The following TIAL1 variants were observed in gnomAD, a reference collection of about 807,000 sequenced individuals.
The protein encoded by TIAL1 is TIA1 cytotoxic granule associated RNA binding protein like 1, also known as nucleolysin TIAR.
TIAL1 carries 7 observed loss-of-function variants against 59.7 expected under a neutral mutation model. The ratio of observed to expected loss-of-function variants is 0.12; its 90% CI spans 0.07 to 0.22. The LOEUF (loss-of-function observed/expected upper bound fraction) is 0.22, where lower values mean the gene tolerates loss of function less well. Ranked by LOEUF, TIAL1 falls within the 10% of genes least tolerant of loss-of-function variation. The probability of loss-of-function intolerance (pLI) is 1.00; values close to 1 mark genes in which losing one functional copy is unlikely to be tolerated. For missense variants in TIAL1, 225 were observed against 462.5 expected (o/e 0.49, Z 4.71); for synonymous variants, 149 against 146.3 (o/e 1.02, Z -0.13).
intron 6 of TIAL1, among the ~76,000 whole-genome samples, chr10:119,579,246 C>T (rs1022399119): frequency 3.9e-5 from 6 of 152,068 alleles, no homozygotes; most frequent in Admixed American, 3.9e-4. Context: ...GCTGAGGCAG[C>T]GCGATCGCTT....
chr10:119,578,102 G>GT (rs1459913827), intron 7 of TIAL1, among the ~76,000 whole-genome samples: 1 of 151,910 alleles, frequency 6.6e-6, no homozygotes, highest in East Asian at 1.9e-4. Context: ...GCACACGCCT[G>GT]TAATTCCAGC....
chr10:119,583,566 A>G (rs540258486), intron 2 of TIAL1, among the ~76,000 whole-genome samples: 68 of 152,352 alleles, frequency 4.5e-4, no homozygotes, highest in African/African-American at 1.6e-3. Flanking sequence ...TCAATGTAAA[A>G]TGCCCTATAA....
At chr10:119,579,010 AT>A in intron 6 of TIAL1, 176 bp from the exon 7 acceptor site, 1 of 599,062 alleles carries the variant, frequency 1.7e-6, no homozygotes, top group East Asian at 2.8e-5. Flanking sequence ...TGAACTTGAG[AT>A]TCAATCTAAG....
intron 2 of TIAL1, among the ~76,000 whole-genome samples, chr10:119,584,125 A>G (rs1284518866): frequency 6.6e-6 from 1 of 152,158 alleles, no homozygotes; most frequent in African/African-American, 2.4e-5. Context: ...GTGAATACCA[A>G]TTTCAAATCT....
Position 119,575,615 on chromosome 10 carries a change from C to A in TIAL1, c.*50G>T, listed in dbSNP as rs750202071. 1 of 1,606,450 alleles carries A rather than the reference C, an allele frequency of 6.2e-7. No homozygotes were observed. Among genetic ancestry groups the A allele is most frequent in the Non-Finnish European group, 8.5e-7 (1 of 1,174,108 alleles). ...CTACTTTCATGTCTTCAGAGTGTCA[C>A]AGGAAATCGAAGCCTATCATGAATT... On this transcript the variant is annotated 3_prime_UTR_variant, in exon 12 of 12. Coordinates refer to ENST00000436547, the MANE Select transcript of TIAL1 (RefSeq NM_003252.4).
intron 2 of TIAL1, among the ~76,000 whole-genome samples, chr10:119,585,686 T>C (rs1191360303): frequency 1.3e-5 from 2 of 152,162 alleles, no homozygotes; most frequent in African/African-American, 2.4e-5. Context: ...CAAATGTTTC[T>C]CAAAAATTTT....
intron 2 of TIAL1, among the ~76,000 whole-genome samples, chr10:119,585,774 C>A: frequency 6.6e-6 from 1 of 152,160 alleles, no homozygotes; most frequent in East Asian, 1.9e-4. Context: ...CTAACCATGC[C>A]ACTGAAACTG....
At chr10:119,586,410 C>T (rs1160559234) in intron 2 of TIAL1, among the ~76,000 whole-genome samples, 1 of 152,222 alleles carries the variant, frequency 6.6e-6, no homozygotes, top group Non-Finnish European at 1.5e-5. Flanking sequence ...ATCTTGACTT[C>T]GGCTAGCACT....
intron 2 of TIAL1, 111 bp downstream of exon 2, chr10:119,588,041 A>G (rs1015170842): frequency 8.4e-6 from 5 of 596,450 alleles, no homozygotes; most frequent in Non-Finnish European, 1.3e-5. Flanking sequence ...ATAAGTCAAC[A>G]CAACACAAAT....
In TIAL1 at chr10:119,596,495, A is replaced by G. The variant is rs573278026; in HGVS notation, c.-30T>C. Reference sequence around the variant, plus strand: ...GGTGCGACGGAGCGATCCCGGGACAAGGGGGAGGGCAGGGTTGGGGAGGGG... The same window carrying G: ...GGTGCGACGGAGCGATCCCGGGACAGGGGGGAGGGCAGGGTTGGGGAGGGG... On this transcript the variant is annotated 5_prime_UTR_variant, in exon 1 of 12. Transcript: ENST00000436547. 1.7e-6 allele frequency: 1 copy of G among 574,926 alleles called. No homozygotes were observed. The highest frequency in any genetic ancestry group is 2.2e-6 in the Non-Finnish European group (1 of 457,448). 35.6% of individuals were successfully genotyped at this position (574,926 alleles called of 1,614,324 possible).
intron 5 of TIAL1, chr10:119,580,755 T>C (rs1845263611): frequency 1.9e-6 from 2 of 1,074,236 alleles, no homozygotes; most frequent in Admixed American, 4.8e-5. Flanking sequence ...TAAGAATAAA[T>C]AGAAATGAGA....
At chr10:119,591,698 A>G (rs2134004935) in intron 1 of TIAL1, among the ~76,000 whole-genome samples, 1 of 152,300 alleles carries the variant, frequency 6.6e-6, no homozygotes, top group South Asian at 2.1e-4. Flanking sequence ...ACAATATCTT[A>G]ATTTACCAGG....
At position 119,573,852 on chromosome 10, in the gene TIAL1, T is replaced by C; in HGVS notation, c.*1813A>G. ...GGTGCCATAAAAAATTTGGCCCAGCTATGAATTTCAGACCCTATGAATTTT... is the reference window on the plus strand; with the variant it reads ...GGTGCCATAAAAAATTTGGCCCAGCCATGAATTTCAGACCCTATGAATTTT... On this transcript the variant is annotated 3_prime_UTR_variant, in exon 12 of 12. Transcript: ENST00000436547. 1 of 152,234 alleles carries C rather than the reference T, an allele frequency of 6.6e-6. No homozygotes were observed. The highest frequency in any genetic ancestry group is 1.9e-4 in the East Asian group (1 of 5,206). The allele number at this position is 152,234 out of a possible 1,614,324, so 9.4% of individuals were successfully genotyped here.
intron 7 of TIAL1, among the ~76,000 whole-genome samples, 191 bp from the exon 8 acceptor site, chr10:119,577,927 TA>T (rs1191201572): frequency 6.6e-6 from 1 of 151,976 alleles, no homozygotes; most frequent in Non-Finnish European, 1.5e-5. Flanking sequence ...CTGTCTCTAC[TA>T]AAAATACAAA....
intron 11 of TIAL1, among the ~76,000 whole-genome samples, chr10:119,576,301 A>C (rs1844992719): frequency 6.6e-6 from 1 of 152,136 alleles, no homozygotes; most frequent in South Asian, 2.1e-4. Context: ...TTTTGAATAT[A>C]TCTGGACAAA....
At position 119,575,777 on chromosome 10, in the gene TIAL1, G is replaced by T; in HGVS notation, c.1016C>A (p.Ala339Asp). Reference sequence around the variant, plus strand: ...AGCACCAAATCCACCCATCCAAGCAGCAGAAGGTGATTGACTTGGAAGAAA... The same window carrying T: ...AGCACCAAATCCACCCATCCAAGCATCAGAAGGTGATTGACTTGGAAGAAA... ...QGFGVDQSPSAAWMGGFGAQP... is the reference protein window; with the variant it reads ...QGFGVDQSPSDAWMGGFGAQP... The change falls in exon 12 of 12, where the codon GCT (alanine) becomes GAT (aspartate). Residue 339 changes from alanine (A) to aspartate (D), a missense_variant. By Grantham distance (126) the Ala-to-Asp change is moderately radical. Transcript: ENST00000436547. 1 of 1,550,320 alleles carries T rather than the reference G, an allele frequency of 6.5e-7. No homozygotes were observed. Among genetic ancestry groups the T allele is most frequent in the South Asian group, 1.2e-5 (1 of 82,270 alleles).
rs375115433 is a variant in TIAL1, at chr10:119,588,348, TTTC to T, written c.33-103_33-101del. 4,414 of 469,508 alleles carry T rather than the reference TTTC, an allele frequency of 9.4e-3. 40 individuals carry two copies. Among genetic ancestry groups the T allele is most frequent in the African/African-American group, 0.044 (2,180 of 49,486 alleles). 29.1% of individuals were successfully genotyped at this position (469,508 alleles called of 1,614,324 possible). On this transcript the variant is annotated intron_variant, in intron 1 of 11. Transcript: ENST00000436547. ...CACCTTTTCTTTCTTTCTTTCTTTC[TTTC>T]TTTTTTTTTTAGATGGAGTTTTGCT...
intron 7 of TIAL1, among the ~76,000 whole-genome samples, chr10:119,578,190 A>G (rs2133992628): frequency 7.6e-6 from 1 of 130,802 alleles, no homozygotes; most frequent in Non-Finnish European, 1.5e-5. Flanking sequence ...GCACCACTGT[A>G]CTCCAGCCTG....
chr10:119,577,295 G>A (rs1286037545), intron 9 of TIAL1, 92 bp from the exon 10 acceptor site: 5 of 1,486,578 alleles, frequency 3.4e-6, no homozygotes, highest in Non-Finnish European at 9.0e-7. Context: ...ACACCTGCAA[G>A]TTGGTATTTT....
Sources: gnomAD v4.1 joint callset for allele counts (sites outside exome capture counted in the v4.1 genomes callset) on GRCh38, gnomAD v4.1.1 for gene constraint, MANE v1.5 for transcripts, NCBI Gene and HGNC (gene_info 2026-07-23, HGNC 2026-07-21) for gene names.